The following RUBCN variants were observed in gnomAD, a reference collection of about 807,000 sequenced individuals.
RUBCN encodes run domain Beclin-1-interacting and cysteine-rich domain-containing protein.
A neutral mutation model predicts 113.2 loss-of-function variants in RUBCN; 74 were observed. The ratio of observed to expected loss-of-function variants is 0.65; its 90% confidence interval spans 0.54 to 0.79. The LOEUF is 0.79. Among genes scored for constraint, RUBCN ranks in the 30% least tolerant of loss-of-function variants. The pLI is 0.00. For synonymous variants in RUBCN, 480 were observed against 490.0 expected (o/e 0.98, Z 0.27); for missense variants, 1,109 against 1,251.7 (o/e 0.89, Z 1.72).
chr3:197,685,906 C>T (rs1721788354), intron 11 of RUBCN, among the ~76,000 whole-genome samples: 1 of 152,228 alleles, frequency 6.6e-6, no homozygotes, highest in Non-Finnish European at 1.5e-5. Context: ...GTAACACTTA[C>T]ACTGCCTTGG....
intron 18 of RUBCN, chr3:197,676,660 G>GGACC: frequency 7.1e-7 from 1 of 1,413,380 alleles, no homozygotes; most frequent in Non-Finnish European, 9.2e-7. Flanking sequence ...GAGCTACCCA[G>GGACC]GACCACAGCC....
chr3:197,707,180 A>C (rs1026542323), intron 2 of RUBCN, among the ~76,000 whole-genome samples: 1 of 151,986 alleles, frequency 6.6e-6, no homozygotes, highest in Non-Finnish European at 1.5e-5. Context: ...AAATACAAAA[A>C]AATTAGCTGG....
chr3:197,675,222 GAGA>G lies in RUBCN; in HGVS notation c.2741-29_2741-27del. 6.2e-7 allele frequency: 1 copy of G among 1,613,154 alleles called. No homozygotes were observed. Among genetic ancestry groups the G allele is most frequent in the Non-Finnish European group, 8.5e-7 (1 of 1,179,266 alleles). ...CTACTCAGGTTGGGAAGGTGGGGGA[GAGA>G]AGAAAACAATTTGTATTATCTCCAG... On this transcript the variant is annotated intron_variant, in intron 19 of 19. Transcript: ENST00000296343. This position sits in a 1 kb window ranked among gnomAD's most constrained non-coding sequence, Gnocchi z 4.4.
intron 7 of RUBCN, among the ~76,000 whole-genome samples, chr3:197,699,488 T>C (rs565347971): frequency 6.6e-6 from 1 of 152,276 alleles, no homozygotes; most frequent in African/African-American, 2.4e-5. Context: ...GATTCAAGAA[T>C]GGGGCGGGAA....
chr3:197,735,359 A>G (rs1728000732), intron 1 of RUBCN, among the ~76,000 whole-genome samples: 1 of 152,254 alleles, frequency 6.6e-6, no homozygotes, highest in Non-Finnish European at 1.5e-5. Flanking sequence ...TGTTCACGGC[A>G]CTGCGCTCAG....
intron 1 of RUBCN, among the ~76,000 whole-genome samples, chr3:197,725,143 G>A (rs1235177058): frequency 2.0e-5 from 3 of 152,168 alleles, no homozygotes; most frequent in Non-Finnish European, 4.4e-5. Flanking sequence ...GAAGACTGTG[G>A]TCAGGCAAGT....
intron 2 of RUBCN, among the ~76,000 whole-genome samples, chr3:197,716,591 G>A (rs1345428881): frequency 6.6e-6 from 1 of 152,168 alleles, no homozygotes; most frequent in Admixed American, 6.5e-5. Flanking sequence ...GGCTGTGGTT[G>A]GCTAAGACTG....
intron 16 of RUBCN, among the ~76,000 whole-genome samples, 169 bp downstream of exon 16, chr3:197,680,960 G>T (rs1721150257): frequency 6.7e-6 from 1 of 148,342 alleles, no homozygotes. Context: ...TGGTAATTGT[G>T]GGAAGCCCTA....
rs760482695 is a variant in RUBCN at position 197,679,190 on chromosome 3, T to TCTAA, written c.2431-1650_2431-1649insTTAG. ...CAAGTGGCTTCAGACTGTCCTACGC[T>TCTAA]CTGACAACTGGCTTCAGACTGTCCT... On this transcript the variant is annotated intron_variant, in intron 16 of 19. Coordinates refer to ENST00000296343, the MANE Select transcript of RUBCN (RefSeq NM_014687.4). Among the ~76,000 whole-genome samples, 593 of 144,062 alleles carry TCTAA rather than the reference T, an allele frequency of 4.1e-3. 7 individuals carry two copies. The highest frequency in any genetic ancestry group is 0.013 in the South Asian group (58 of 4,350). The allele number at this position is 144,062 out of a possible 152,430, so 94.5% of individuals were successfully genotyped here. A position where few individuals can be genotyped will look rare whatever the true frequency, so the allele number is the denominator to read the frequency against.
At chr3:197,720,808 C>T (rs1726070947) in intron 1 of RUBCN, among the ~76,000 whole-genome samples, 1 of 152,000 alleles carries the variant, frequency 6.6e-6, no homozygotes, top group African/African-American at 2.4e-5. Flanking sequence ...ATTGTGTTTC[C>T]CCTGGATATA....
At chr3:197,734,996 A>G (rs1026449265) in intron 1 of RUBCN, among the ~76,000 whole-genome samples, 2 of 152,158 alleles carry the variant, frequency 1.3e-5, no homozygotes, top group East Asian at 1.9e-4. Flanking sequence ...ACATCTCATA[A>G]ATCTTCCCTT....
chr3:197,679,975 C>T (rs1323659104), intron 16 of RUBCN, among the ~76,000 whole-genome samples: 10 of 147,768 alleles, frequency 6.8e-5, no homozygotes, highest in Non-Finnish European at 1.2e-4. Context: ...GACTGTCCTA[C>T]GCTCTAACTG....
At chr3:197,732,685 C>T (rs1727657069) in intron 1 of RUBCN, among the ~76,000 whole-genome samples, 2 of 152,268 alleles carry the variant, frequency 1.3e-5, no homozygotes, top group South Asian at 4.1e-4. Context: ...GAAGTATCAT[C>T]CCTAAGCCCC....
intron 2 of RUBCN, among the ~76,000 whole-genome samples, chr3:197,708,621 CCAA>C (rs1159328166): frequency 1.3e-5 from 2 of 151,380 alleles, no homozygotes; most frequent in African/African-American, 2.4e-5. Context: ...TCCAATTCTC[CCAA>C]CGTTGCCAAA....
In RUBCN at chr3:197,701,799, A is replaced by G; in HGVS notation, c.636T>C (p.Ser212=). 1 of 1,614,170 alleles carries G rather than the reference A, an allele frequency of 6.2e-7. No individual in the cohort carries two copies. Among genetic ancestry groups the G allele is most frequent in the Non-Finnish European group, 8.5e-7 (1 of 1,180,010 alleles). The part of the protein sequence containing the change: ...TKSQSLTALP[S]STYTPPNSYA... The stretch of plus-strand genomic sequence containing the variant: ...AGCTGTTTGGAGGGGTGTATGTGGA[A>G]CTGGGCAGGGCTGTCAGGCTCTGGC... Residue 212 remains serine (S), a synonymous_variant, in exon 6 of 20, where the codon AGT becomes AGC. Transcript: ENST00000296343.
chr3:197,691,006 T>C (rs1722359243), intron 11 of RUBCN: 1 of 835,504 alleles, frequency 1.2e-6, no homozygotes, highest in African/African-American at 1.8e-5. Flanking sequence ...ATTAAGTATA[T>C]ACGAAAGCTG....
At position 197,680,636 on chromosome 3, in the gene RUBCN, C is replaced by T. The variant is rs945559486; in HGVS notation, c.2430+493G>A. 3.3e-5 allele frequency among the ~76,000 whole-genome samples: 5 copies of T among 152,362 alleles called. No individual in the cohort carries two copies. The East Asian group carries it at 9.6e-4, about 29-fold the overall frequency. ...CACTCTGACAACTGGCTTCAGAGTGCCCTCTAGTCAGGGAAGGCCCCTCCG... is the reference window on the plus strand; with the variant it reads ...CACTCTGACAACTGGCTTCAGAGTGTCCTCTAGTCAGGGAAGGCCCCTCCG... On this transcript the variant is annotated intron_variant, in intron 16 of 19. Coordinates refer to ENST00000296343, the MANE Select transcript of RUBCN (RefSeq NM_014687.4).
intron 2 of RUBCN, among the ~76,000 whole-genome samples, chr3:197,717,053 C>T (rs1264429511): frequency 2.0e-5 from 3 of 151,254 alleles, no homozygotes; most frequent in African/African-American, 7.3e-5. Flanking sequence ...CCCGGGAGGT[C>T]GAGGCTGCAG....
chr3:197,711,018 G>T (rs1376915184), intron 2 of RUBCN, among the ~76,000 whole-genome samples: 2 of 152,160 alleles, frequency 1.3e-5, no homozygotes, highest in African/African-American at 4.8e-5. Flanking sequence ...TAGAGACAGG[G>T]TTTCACCATA....
Sources: gnomAD v4.1 joint callset for allele counts (sites outside exome capture counted in the v4.1 genomes callset) on GRCh38, gnomAD v4.1.1 for gene constraint, Gnocchi (gnomAD v3.1) non-coding constraint, MANE v1.5 for transcripts, NCBI Gene and HGNC (gene_info 2026-07-23, HGNC 2026-07-21) for gene names.